COL22A1: variants seen among roughly 807,000 people sequenced by gnomAD.
COL22A1 encodes the protein collagen type XXII alpha 1 chain.
A neutral mutation model predicts 248.9 loss-of-function variants in COL22A1; 221 were observed. The ratio of observed to expected loss-of-function variants is 0.89; its 90% CI spans 0.80 to 0.99. The LOEUF (loss-of-function observed/expected upper bound fraction) is 0.99, where lower values mean the gene tolerates loss of function less well. Among genes scored for constraint, COL22A1 ranks in the 50% least tolerant of loss-of-function variants. COL22A1 has a pLI of 0.00. For synonymous variants in COL22A1, 891 were observed against 793.4 expected, an observed-to-expected ratio of 1.12 and a Z score of -2.07; for missense variants, 2,240 against 2,179.0, an observed-to-expected ratio of 1.03 and a Z score of -0.56.
chr8:138,686,214 G>A (rs969817927), intron 37 of COL22A1, among the ~76,000 whole-genome samples: 1 of 152,228 alleles, frequency 6.6e-6, no homozygotes, highest in Non-Finnish European at 1.5e-5. Flanking sequence ...GAGAGAGAGA[G>A]TGTGAGAGTG....
intron 23 of COL22A1, among the ~76,000 whole-genome samples, chr8:138,732,544 C>A (rs1023111224): frequency 6.6e-6 from 1 of 152,194 alleles, no homozygotes; most frequent in Admixed American, 6.5e-5. Context: ...GTGAACTAGG[C>A]CAGAACTCAG....
Position 138,707,091 on chromosome 8 carries a change from A to G in COL22A1, c.2518-3744T>C, listed in dbSNP as rs201603630. 1.8e-4 allele frequency among the ~76,000 whole-genome samples: 27 copies of G among 152,336 alleles called. No individual in the cohort carries two copies. The East Asian group carries it at 4.8e-3, about 27-fold the overall frequency. On this transcript the variant is annotated intron_variant, in intron 30 of 64. Coordinates refer to ENST00000303045, the MANE Select transcript of COL22A1 (RefSeq NM_152888.3). The stretch of plus-strand genomic sequence containing the variant: ...GCCCTCCCAATACTAAACCAGGAAG[A>G]AGCTGAATCCCTGAATAGAACAATA...
At chr8:138,884,424 C>T (rs921314799) in intron 1 of COL22A1, among the ~76,000 whole-genome samples, 4 of 152,172 alleles carry the variant, frequency 2.6e-5, no homozygotes, top group East Asian at 3.9e-4. Flanking sequence ...GATTCCTGAA[C>T]CTCAATGTTT....
At chr8:138,776,531 T>C (rs1814478180) in intron 15 of COL22A1, among the ~76,000 whole-genome samples, 1 of 152,158 alleles carries the variant, frequency 6.6e-6, no homozygotes, top group African/African-American at 2.4e-5. Flanking sequence ...CCTTGTGCTG[T>C]GGACTCCCTG....
intron 42 of COL22A1, 38 bp downstream of exon 42, chr8:138,663,667 C>T (rs1564162997): frequency 2.0e-6 from 3 of 1,499,394 alleles, no homozygotes; most frequent in Non-Finnish European, 2.8e-6. Context: ...AGGATTCCTC[C>T]CATAGAAACT....
intron 1 of COL22A1, among the ~76,000 whole-genome samples, chr8:138,892,147 T>A (rs756486277): frequency 7.9e-5 from 12 of 152,224 alleles, no homozygotes; most frequent in South Asian, 6.2e-4. Context: ...GCTGGTCTCA[T>A]AGAATGAGTT....
intron 27 of COL22A1, among the ~76,000 whole-genome samples, chr8:138,718,063 C>G (rs1829579324): frequency 6.6e-6 from 1 of 151,882 alleles, no homozygotes; most frequent in South Asian, 2.1e-4. Flanking sequence ...TTTTGTGCAG[C>G]TATGCCAGAC....
rs1449175544 is a variant in COL22A1 at position 138,598,725 on chromosome 8, T to G, written c.4359A>C (p.Gly1453=). 4 of 1,613,232 alleles carry G rather than the reference T, an allele frequency of 2.5e-6. No homozygotes were observed. Among genetic ancestry groups the G allele is most frequent in the Non-Finnish European group, 3.4e-6 (4 of 1,179,770 alleles). ...PGPPGQPGFP[G]LRGESPSMET... ...GCCATATTAGCATCCTTACCCTCAG[T>G]CCTGGAAATCCCGGCTGGCCTGGAG... The change falls in exon 61 of 65, where the codon GGA becomes GGC. Residue 1453 remains glycine (G), a synonymous_variant. Transcript: ENST00000303045.
chr8:138,684,102 A>G (rs1462960915), intron 39 of COL22A1, among the ~76,000 whole-genome samples: 2 of 152,018 alleles, frequency 1.3e-5, no homozygotes, highest in African/African-American at 4.8e-5. Flanking sequence ...TACTAAAAAT[A>G]TACAAAACAA....
At chr8:138,823,705 C>A (rs924155428) in intron 6 of COL22A1, among the ~76,000 whole-genome samples, 2 of 152,208 alleles carry the variant, frequency 1.3e-5, no homozygotes, top group Admixed American at 6.5e-5. Context: ...TGTGCCCAAC[C>A]ATTTATTGAC....
chr8:138,909,199 C>T (rs1300430741), intron 1 of COL22A1, among the ~76,000 whole-genome samples: 4 of 151,892 alleles, frequency 2.6e-5, no homozygotes, highest in East Asian at 1.9e-4. Context: ...ACACTTAACA[C>T]GAGATCTATC....
intron 1 of COL22A1, among the ~76,000 whole-genome samples, chr8:138,885,492 G>A (rs1824590672): frequency 6.6e-6 from 1 of 152,160 alleles, no homozygotes; most frequent in African/African-American, 2.4e-5. Flanking sequence ...AGTCCCTGGA[G>A]GGTTAAGTCT....
intron 12 of COL22A1, among the ~76,000 whole-genome samples, chr8:138,789,491 C>T (rs920122349): frequency 5.9e-5 from 9 of 152,278 alleles, no homozygotes; most frequent in Non-Finnish European, 1.3e-4. Flanking sequence ...GAGCTAGAGG[C>T]AAATGGCGTC....
chr8:138,901,980 G>C (rs1814614362), intron 1 of COL22A1, among the ~76,000 whole-genome samples: 1 of 152,090 alleles, frequency 6.6e-6, no homozygotes, highest in South Asian at 2.1e-4. Context: ...CACCACAGGA[G>C]GAGGTGAGGC....
chr8:138,694,979 C>A, intron 32 of COL22A1, 100 bp from the exon 33 acceptor site: 1 of 1,124,212 alleles, frequency 8.9e-7, no homozygotes, highest in South Asian at 1.5e-5. Flanking sequence ...CACCTCCAGT[C>A]CTGTGTATCA....
intron 2 of COL22A1, among the ~76,000 whole-genome samples, chr8:138,878,852 C>CA (rs1422592659): frequency 3.3e-5 from 5 of 151,950 alleles, no homozygotes; most frequent in South Asian, 2.1e-4. Flanking sequence ...CTAAAAAATA[C>CA]AAAAAATTAG....
intron 3 of COL22A1, among the ~76,000 whole-genome samples, chr8:138,846,174 T>C (rs764880956): frequency 5.9e-5 from 9 of 152,204 alleles, no homozygotes; most frequent in Non-Finnish European, 1.3e-4. Flanking sequence ...TTTAGACAGC[T>C]CTACCCAGGA....
chr8:138,703,981 C>T (rs144654400), intron 30 of COL22A1, among the ~76,000 whole-genome samples: 157 of 152,314 alleles, frequency 1.0e-3, no homozygotes, highest in African/African-American at 3.4e-3. Context: ...GAATATATCC[C>T]GCACCTGGCT....
At chr8:138,793,869 A>C (rs1816270930) in intron 12 of COL22A1, among the ~76,000 whole-genome samples, 1 of 152,152 alleles carries the variant, frequency 6.6e-6, no homozygotes. Flanking sequence ...ACAGGAACAC[A>C]CGCGAAGGAC....
Sources: gnomAD v4.1 joint callset for allele counts (sites outside exome capture counted in the v4.1 genomes callset) on GRCh38, gnomAD v4.1.1 for gene constraint, MANE v1.5 for transcripts, NCBI Gene and HGNC (gene_info 2026-07-23, HGNC 2026-07-21) for gene names.